Variants in LARGE1 observed in about 807,000 individuals in gnomAD.
LARGE1 encodes LARGE xylosyl- and glucuronyltransferase 1.
In LARGE1, 43 loss-of-function variants were observed where a neutral mutation model predicts 87.6. The ratio of observed to expected loss-of-function variants is 0.49; its 90% confidence interval spans 0.38 to 0.63. LARGE1 has a LOEUF of 0.63. Among genes scored for constraint, LARGE1 ranks in the 30% least tolerant of loss-of-function variants. LARGE1 has a pLI of 0.00. For missense variants in LARGE1, 802 were observed against 1,000.2 expected, an observed-to-expected ratio of 0.80 and a Z score of 2.67; for synonymous variants, 434 against 394.6, an observed-to-expected ratio of 1.10 and a Z score of -1.18.
intron 6 of LARGE1, among the ~76,000 whole-genome samples, chr22:33,520,619 T>C (rs1045888994): frequency 5.9e-5 from 9 of 152,230 alleles, no homozygotes; most frequent in Non-Finnish European, 1.3e-4. Context: ...CTGCTTTCTG[T>C]TCACATCTGA....
chr22:33,910,151 T>C (rs1354005466), intron 1 of LARGE1, among the ~76,000 whole-genome samples: 1 of 152,176 alleles, frequency 6.6e-6, no homozygotes, highest in Non-Finnish European at 1.5e-5. Flanking sequence ...TTGCTTAACT[T>C]ATGACACATT....
chr22:33,430,055 A>G (rs372556237), intron 7 of LARGE1, among the ~76,000 whole-genome samples: 6 of 152,212 alleles, frequency 3.9e-5, no homozygotes, highest in African/African-American at 1.2e-4. Context: ...AGACTCTTGA[A>G]GGGCAGAGCC....
chr22:33,654,329 C>T (rs763456617), intron 2 of LARGE1, among the ~76,000 whole-genome samples: 78 of 152,234 alleles, frequency 5.1e-4, no homozygotes, highest in African/African-American at 1.4e-3. Flanking sequence ...TATCTTGAGC[C>T]GGCCCCTTCC....
At chr22:33,181,827 CT>C (rs56347007) in intron 11 of LARGE1, among the ~76,000 whole-genome samples, 1,467 of 128,278 alleles carry the variant, frequency 0.011, 13 homozygotes, top group Middle Eastern at 0.024. Flanking sequence ...TATGCCTGGC[CT>C]TTTTTTTTTT....
At chr22:33,444,972 G>T (rs946514662) in intron 6 of LARGE1, among the ~76,000 whole-genome samples, 3 of 152,148 alleles carry the variant, frequency 2.0e-5, no homozygotes, top group Non-Finnish European at 4.4e-5. Flanking sequence ...TGGGATTACA[G>T]GCGCGTACCA....
At chr22:33,759,885 A>G (rs530765151) in intron 2 of LARGE1, among the ~76,000 whole-genome samples, 1 of 152,214 alleles carries the variant, frequency 6.6e-6, no homozygotes, top group African/African-American at 2.4e-5. Flanking sequence ...ACCTGCTTAG[A>G]TGAAGGTTCT....
chr22:33,416,529 T>C (rs1235782478), intron 7 of LARGE1, among the ~76,000 whole-genome samples: 1 of 152,090 alleles, frequency 6.6e-6, no homozygotes, highest in Non-Finnish European at 1.5e-5. Context: ...TCTATGTGGG[T>C]CATCTAGTGT....
At chr22:33,134,780 G>A in the LARGE1 span, among the ~76,000 whole-genome samples, 1 of 152,114 alleles carries the variant, frequency 6.6e-6, no homozygotes, top group East Asian at 1.9e-4. Flanking sequence ...CCTTCTCCTA[G>A]GCTCAGAATC....
chr22:33,446,737 A>G (rs566602309), intron 6 of LARGE1, among the ~76,000 whole-genome samples: 87 of 152,276 alleles, frequency 5.7e-4, no homozygotes, highest in Non-Finnish European at 1.2e-3. Flanking sequence ...ACGAAGGACA[A>G]GCAGGGGGAA....
At chr22:33,498,267 G>A (rs1173151489) in intron 6 of LARGE1, among the ~76,000 whole-genome samples, 1 of 152,038 alleles carries the variant, frequency 6.6e-6, no homozygotes, top group African/African-American at 2.4e-5. Flanking sequence ...TGGAGGGGAG[G>A]GTTCAGATTT....
chr22:33,246,747 C>A (rs146451038), intron 11 of LARGE1, among the ~76,000 whole-genome samples: 1 of 152,122 alleles, frequency 6.6e-6, no homozygotes, highest in African/African-American at 2.4e-5. Context: ...CACTGATAGG[C>A]GGAGTATGAA....
At chr22:33,323,339 G>A (rs1472897238) in intron 10 of LARGE1, among the ~76,000 whole-genome samples, 1 of 152,172 alleles carries the variant, frequency 6.6e-6, no homozygotes, top group African/African-American at 2.4e-5. Flanking sequence ...CTGGCGCAAT[G>A]CTAAATGTTT....
At chr22:33,771,276 T>C (rs1425297378) in intron 1 of LARGE1, among the ~76,000 whole-genome samples, 1 of 152,086 alleles carries the variant, frequency 6.6e-6, no homozygotes, top group Non-Finnish European at 1.5e-5. Context: ...TGGCCCTTTT[T>C]GTTTCAGACT....
intron 1 of LARGE1, among the ~76,000 whole-genome samples, chr22:33,804,130 G>A (rs1477023959): frequency 6.6e-6 from 1 of 152,162 alleles, no homozygotes; most frequent in African/African-American, 2.4e-5. Context: ...AATCCTGACT[G>A]CCATCCTTAG....
intron 1 of LARGE1, among the ~76,000 whole-genome samples, chr22:33,866,707 C>G (rs967224354): frequency 6.6e-6 from 1 of 152,152 alleles, no homozygotes; most frequent in Non-Finnish European, 1.5e-5. Flanking sequence ...CTAGAATGGA[C>G]GACAGACACC....
At chr22:33,433,594 T>A (rs1601820734) in intron 6 of LARGE1, among the ~76,000 whole-genome samples, 2 of 80,520 alleles carry the variant, frequency 2.5e-5, no homozygotes, top group African/African-American at 5.2e-5. Context: ...AGACTCCGTC[T>A]CAAAAAACAA....
chr22:33,548,124 G>C (rs569113025), intron 6 of LARGE1, among the ~76,000 whole-genome samples: 17 of 152,146 alleles, frequency 1.1e-4, no homozygotes, highest in Non-Finnish European at 1.9e-4. Flanking sequence ...ACTGGGAAGT[G>C]AATGGTTCAC....
At chr22:33,282,205 C>T (rs1235475813) in intron 13 of LARGE1, among the ~76,000 whole-genome samples, 1 of 152,132 alleles carries the variant, frequency 6.6e-6, no homozygotes, top group African/African-American at 2.4e-5. Context: ...ATTTGCCGGG[C>T]ATGGTGGCAC....
intron 6 of LARGE1, among the ~76,000 whole-genome samples, chr22:33,513,669 T>G (rs1206748217): frequency 1.3e-5 from 2 of 152,084 alleles, no homozygotes; most frequent in African/African-American, 4.8e-5. Flanking sequence ...GATAGAACCC[T>G]TGAGTTGGAA....
Sources: gnomAD v4.1 joint callset for allele counts (sites outside exome capture counted in the v4.1 genomes callset) on GRCh38, gnomAD v4.1.1 for gene constraint, MANE v1.5 for transcripts, NCBI Gene and HGNC (gene_info 2026-07-23, HGNC 2026-07-21) for gene names.